KANK1: variants seen among roughly 807,000 people sequenced by gnomAD.
KANK1 encodes the protein KN motif and ankyrin repeat domain-containing protein 1.
A neutral mutation model predicts 106.2 loss-of-function variants in KANK1; 109 were observed. The ratio of observed to expected loss-of-function variants is 1.03; its 90% CI spans 0.88 to 1.20. The LOEUF is 1.20. Ranked by LOEUF, KANK1 falls within the 50% of genes most tolerant of loss-of-function variation. The pLI is 0.00. For missense variants in KANK1, 2,399 were observed against 1,710.7 expected, an observed-to-expected ratio of 1.40 and a Z score of -7.10; for synonymous variants, 873 against 652.2, an observed-to-expected ratio of 1.34 and a Z score of -5.16.
At chr9:543,285 G>A (rs80318781) in intron 1 of KANK1, among the ~76,000 whole-genome samples, 3,800 of 152,096 alleles carry the variant, frequency 0.025, 158 homozygotes, top group African/African-American at 0.086. Context: ...GCCGGGCACG[G>A]TGGCTCATGC....
intron 1 of KANK1, among the ~76,000 whole-genome samples, chr9:618,864 C>T (rs1308092550): frequency 6.6e-6 from 1 of 152,160 alleles, no homozygotes; most frequent in East Asian, 1.9e-4. Flanking sequence ...ATTGTCTCCA[C>T]CTTATTAATC....
At chr9:531,886 T>C (rs571734847) in intron 1 of KANK1, among the ~76,000 whole-genome samples, 1 of 152,310 alleles carries the variant, frequency 6.6e-6, no homozygotes, top group Non-Finnish European at 1.5e-5. Context: ...ATTGTTGTTG[T>C]GTTACATTGT....
At chr9:578,913 G>T (rs1821301051) in intron 1 of KANK1, among the ~76,000 whole-genome samples, 1 of 152,172 alleles carries the variant, frequency 6.6e-6, no homozygotes, top group Non-Finnish European at 1.5e-5. Flanking sequence ...CATGGGGAGG[G>T]GATGGAGGGC....
intron 1 of KANK1, among the ~76,000 whole-genome samples, chr9:620,068 C>T (rs1046761049): frequency 2.6e-5 from 4 of 151,668 alleles, no homozygotes; most frequent in Admixed American, 6.6e-5. Context: ...ACCTCGGAGG[C>T]AGAGGTTGAG....
intron 2 of KANK1, among the ~76,000 whole-genome samples, chr9:699,846 G>T (rs1038919854): frequency 6.6e-6 from 1 of 152,178 alleles, no homozygotes; most frequent in Non-Finnish European, 1.5e-5. Context: ...GCCGGGTTTG[G>T]TCACACACAT....
At chr9:577,023 G>GA (rs1391366516) in intron 1 of KANK1, among the ~76,000 whole-genome samples, 1 of 152,112 alleles carries the variant, frequency 6.6e-6, no homozygotes, top group Non-Finnish European at 1.5e-5. Context: ...TCCTTCCAGT[G>GA]GGTTCATGGC....
At chr9:577,663 A>G (rs916172451) in intron 1 of KANK1, among the ~76,000 whole-genome samples, 2 of 152,178 alleles carry the variant, frequency 1.3e-5, no homozygotes, top group African/African-American at 4.8e-5. Context: ...AAACAGCATC[A>G]CTTGGAAACT....
At chr9:652,834 T>C (rs1052204534) in intron 1 of KANK1, among the ~76,000 whole-genome samples, 1 of 152,186 alleles carries the variant, frequency 6.6e-6, no homozygotes, top group Non-Finnish European at 1.5e-5. Context: ...TATTGTTGAA[T>C]ATTTAGTACT....
At chr9:718,298 C>CTTTTTTTTTTTTT (rs60145502) in intron 3 of KANK1, among the ~76,000 whole-genome samples, 1 of 74,088 alleles carries the variant, frequency 1.3e-5, no homozygotes, top group Non-Finnish European at 2.4e-5. Context: ...CTTGCTGTGT[C>CTTTTTTTTTTTTT]TTTTTTTTTT....
At chr9:724,991 A>C (rs891701281) in intron 3 of KANK1, among the ~76,000 whole-genome samples, 3 of 152,210 alleles carry the variant, frequency 2.0e-5, no homozygotes, top group African/African-American at 7.2e-5. Flanking sequence ...GTTAGGGGAC[A>C]TCAAGTCACA....
rs144689801 is a variant in KANK1 at position 745,167 on chromosome 9, C to T, written c.3997-6C>T. 6.2e-7 allele frequency: 1 copy of T among 1,613,702 alleles called. No homozygotes were observed. The highest frequency in any genetic ancestry group is 1.3e-5 in the African/African-American group (1 of 75,012). The stretch of plus-strand genomic sequence containing the variant: ...CCCCCAGTTTTTTTCCTTTCCTGGT[C>T]TCTAGGGCACCCCTAGGCTTGGAAG... On this transcript the variant is annotated splice_region_variant and splice_polypyrimidine_tract_variant and intron_variant, in intron 11 of 11. Coordinates refer to ENST00000382297, the MANE Select transcript of KANK1 (RefSeq NM_015158.5).
chr9:604,126 C>A (rs996396750), intron 1 of KANK1, among the ~76,000 whole-genome samples: 1 of 151,624 alleles, frequency 6.6e-6, no homozygotes, highest in Non-Finnish European at 1.5e-5. Flanking sequence ...ATTAATGTTA[C>A]AGCTGATATT....
At chr9:556,438 TC>T (rs2061588337) in intron 1 of KANK1, among the ~76,000 whole-genome samples, 3 of 152,208 alleles carry the variant, frequency 2.0e-5, no homozygotes, top group African/African-American at 2.4e-5. Flanking sequence ...CAGATCCAGA[TC>T]TTAGTCTCAT....
intron 1 of KANK1, among the ~76,000 whole-genome samples, chr9:535,971 G>C (rs912708312): frequency 6.6e-6 from 1 of 152,012 alleles, no homozygotes; most frequent in Non-Finnish European, 1.5e-5. Flanking sequence ...TGTTATAACA[G>C]CACCCCACTT....
intron 1 of KANK1, among the ~76,000 whole-genome samples, chr9:613,330 G>A (rs184301789): frequency 1.6e-4 from 24 of 150,768 alleles, no homozygotes; most frequent in Admixed American, 8.0e-4. Context: ...TGTAACAATC[G>A]TTGCTGGAGA....
chr9:524,979 T>A (rs1027350979), intron 1 of KANK1, among the ~76,000 whole-genome samples: 4 of 138,530 alleles, frequency 2.9e-5, no homozygotes, highest in African/African-American at 1.2e-4. Flanking sequence ...AAACTCTTGC[T>A]GCCTTTTTTT....
intron 3 of KANK1, chr9:487,739 G>A (rs1198245454): frequency 6.6e-6 from 1 of 152,222 alleles, no homozygotes; most frequent in Non-Finnish European, 1.5e-5. Context: ...GTGGATTGGA[G>A]TACTTAATGG....
At chr9:655,749 A>T (rs1177562380) in intron 1 of KANK1, among the ~76,000 whole-genome samples, 1 of 152,238 alleles carries the variant, frequency 6.6e-6, no homozygotes, top group African/African-American at 2.4e-5. Context: ...TTGAGATTTC[A>T]GATACCTTAG....
At chr9:673,668 G>A (rs1374018729) in intron 1 of KANK1, 2 of 152,162 alleles carry the variant, frequency 1.3e-5, no homozygotes, top group African/African-American at 2.4e-5. Context: ...TCAATAACAG[G>A]AGAGGACCTT....
Sources: allele counts gnomAD v4.1 joint callset (sites outside exome capture counted in the v4.1 genomes callset), GRCh38; gene constraint gnomAD v4.1.1; transcripts MANE v1.5; gene names NCBI Gene and HGNC (gene_info 2026-07-23, HGNC 2026-07-21).